PDE4C: variants seen among roughly 807,000 people sequenced by gnomAD.
PDE4C encodes 3',5'-cyclic-AMP phosphodiesterase 4C.
Under a neutral mutation model 63.9 loss-of-function variants are expected in PDE4C, and 50 were observed. The observed-to-expected ratio is 0.78, with a 90% CI of 0.62 to 0.99. The LOEUF is 0.99. Ranked by LOEUF, PDE4C falls within the 50% of genes least tolerant of loss-of-function variation. The pLI, the probability that PDE4C is intolerant of heterozygous loss-of-function variation, is 0.00. For synonymous variants in PDE4C, 377 were observed against 385.1 expected (o/e 0.98, Z 0.25); for missense variants, 777 against 899.1 (o/e 0.86, Z 1.74).
At chr19:18,243,508 T>TGG (rs11376361) in intron 1 of PDE4C, among the ~76,000 whole-genome samples, 1 of 151,972 alleles carries the variant, frequency 6.6e-6, no homozygotes, top group Non-Finnish European at 1.5e-5. Flanking sequence ...TGGGGAAAAT[T>TGG]GGGGGAAGCA....
chr19:18,248,708 C>T (rs576647125), upstream of PDE4C, among the ~76,000 whole-genome samples: 2 of 152,138 alleles, frequency 1.3e-5, no homozygotes, highest in East Asian at 1.9e-4. Context: ...TGTGCTGTGC[C>T]GCCCCGGGTA....
At chr19:18,215,344 C>A (rs1335608572) in intron 12 of PDE4C, among the ~76,000 whole-genome samples, 1 of 152,148 alleles carries the variant, frequency 6.6e-6, no homozygotes, top group Non-Finnish European at 1.5e-5. Flanking sequence ...GCTCTGCCTG[C>A]AGGTCCCTAG....
intron 1 of PDE4C, among the ~76,000 whole-genome samples, chr19:18,242,810 T>C (rs1969066324): frequency 1.4e-5 from 2 of 147,286 alleles, no homozygotes; most frequent in South Asian, 4.3e-4. Context: ...AAAAGGGAAT[T>C]GGGAGCCAAG....
At chr19:18,221,158 G>C (rs374960054) in exon 4 of PDE4C, 1 of 1,585,058 alleles carries the variant, frequency 6.3e-7, no homozygotes, top group Non-Finnish European at 8.5e-7. Context: ...TGCTCCGAAC[G>C]GTCCGCAGAC....
At chr19:18,221,131 G>A in exon 4 of PDE4C, 1 of 1,591,298 alleles carries the variant, frequency 6.3e-7, no homozygotes, top group South Asian at 1.1e-5. Flanking sequence ...ATTGCTGGCG[G>A]GCAAGGGCCG....
exon 10 of PDE4C, chr19:18,218,430 T>C (rs1042050): frequency 0.59 from 949,077 of 1,613,976 alleles, 286,660 homozygotes; most frequent in Non-Finnish European, 0.62. Flanking sequence ...GGTAGTGACC[T>C]TCCAGCATCA....
chr19:18,232,803 A>C, intron 1 of PDE4C: 1 of 972,970 alleles, frequency 1.0e-6, no homozygotes, highest in Non-Finnish European at 1.4e-6. Flanking sequence ...ACCCCTACGT[A>C]GAAATAGCTT....
upstream of PDE4C, among the ~76,000 whole-genome samples, chr19:18,226,823 C>G (rs1204908980): frequency 6.6e-6 from 1 of 151,928 alleles, no homozygotes; most frequent in African/African-American, 2.4e-5. Context: ...CCAGGCTGAT[C>G]TCGAACTCCC....
intron 1 of PDE4C, among the ~76,000 whole-genome samples, chr19:18,238,726 C>T (rs1259533567): frequency 6.6e-6 from 1 of 151,972 alleles, no homozygotes; most frequent in African/African-American, 2.4e-5. Flanking sequence ...AGCACAATGG[C>T]TCATGCCTGT....
rs1476552911 is a variant in PDE4C at position 18,241,264 on chromosome 19, T to A, written c.-210+6907A>T. On this transcript the variant is annotated intron_variant, in intron 1 of 15. Transcript: ENST00000594617. The stretch of plus-strand genomic sequence containing the variant: ...TCTTTTTTCTTCTCTTGTTTTTTTT[T>A]TTTTTTTTTTTTTTTTTTTTGAGAT... Among the ~76,000 whole-genome samples, 5 of 38,810 alleles carry A rather than the reference T, an allele frequency of 1.3e-4. No homozygotes were observed. The South Asian group carries it at 0.012, about 90-fold the overall frequency. 25.5% of individuals were successfully genotyped at this position (38,810 alleles called of 152,430 possible).
At chr19:18,252,071 A>T (rs1315539915), upstream of PDE4C, 5 of 398,730 alleles carry the variant, frequency 1.3e-5, no homozygotes, top group Non-Finnish European at 2.2e-5. Flanking sequence ...CACCTGGGCC[A>T]GGGGGCTCCA....
chr19:18,210,901 T>TA, exon 15 of PDE4C: 1 of 1,553,204 alleles, frequency 6.4e-7, no homozygotes, highest in Admixed American at 1.9e-5. Flanking sequence ...TACCATCCAT[T>TA]GCCCCTGCAG....
chr19:18,231,999 G>A (rs996298533), intron 1 of PDE4C, among the ~76,000 whole-genome samples: 8 of 152,076 alleles, frequency 5.3e-5, no homozygotes, highest in Admixed American at 2.0e-4. Flanking sequence ...GAGTGGGGGC[G>A]GGGGAGGTAG....
chr19:18,210,959 C>A, exon 15 of PDE4C: 1 of 1,613,002 alleles, frequency 6.2e-7, no homozygotes. Context: ...GGGGTAAGTC[C>A]CCAGGGTCTG....
chr19:18,211,350 CT>C, intron 14 of PDE4C, 74 bp from the exon 15 acceptor site: 1 of 1,307,510 alleles, frequency 7.6e-7, no homozygotes, highest in Non-Finnish European at 1.0e-6. Context: ...GCCTCCAGAT[CT>C]TTAGCCAAGT....
the PDE4C span, among the ~76,000 whole-genome samples, chr19:18,254,219 C>T: frequency 6.6e-5 from 10 of 152,148 alleles, no homozygotes; most frequent in African/African-American, 1.4e-4. Context: ...CCTCAAGGAC[C>T]CTTGTCCTCT....
chr19:18,216,218 C>A (rs903440652), intron 12 of PDE4C, among the ~76,000 whole-genome samples: 1 of 150,974 alleles, frequency 6.6e-6, no homozygotes, highest in African/African-American at 2.4e-5. Flanking sequence ...CCAGGATCTG[C>A]TGGGCCCAGC....
chr19:18,245,364 C>T (rs1969111696), intron 1 of PDE4C, among the ~76,000 whole-genome samples: 1 of 151,734 alleles, frequency 6.6e-6, no homozygotes, highest in Non-Finnish European at 1.5e-5. Context: ...AGGGTTTCTC[C>T]AGGTTGGCGA....
intron 12 of PDE4C, among the ~76,000 whole-genome samples, chr19:18,213,769 TCAGA>T (rs1968073962): frequency 6.6e-6 from 1 of 152,176 alleles, no homozygotes; most frequent in Non-Finnish European, 1.5e-5. Flanking sequence ...CTGGGACTTG[TCAGA>T]CAGAGTCTCC....
Sources: allele counts gnomAD v4.1 joint callset (sites outside exome capture counted in the v4.1 genomes callset), GRCh38; gene constraint gnomAD v4.1.1; transcripts MANE v1.5; gene names NCBI Gene and HGNC (gene_info 2026-07-23, HGNC 2026-07-21).